ROGDI: variants seen among roughly 807,000 people sequenced by gnomAD.
ROGDI encodes rogdi atypical leucine zipper.
A neutral mutation model predicts 43.1 loss-of-function variants in ROGDI; 46 were observed. The observed-to-expected ratio is 1.07, with a 90% CI of 0.84 to 1.37. The LOEUF is 1.37. Ranked by LOEUF, ROGDI falls within the 40% of genes most tolerant of loss-of-function variation. ROGDI has a pLI of 0.00. For synonymous variants in ROGDI, 243 were observed against 162.0 expected (o/e 1.50, Z -3.80); for missense variants, 518 against 383.9 (o/e 1.35, Z -2.92).
intron 2 of ROGDI, chr16:4,801,998 G>A (rs965173922): frequency 2.4e-5 from 14 of 578,774 alleles, no homozygotes; most frequent in Non-Finnish European, 3.9e-5. Flanking sequence ...GCCTCGCGAA[G>A]CGGGTACTGT....
chr16:4,800,833 A>C, intron 4 of ROGDI: 1 of 557,212 alleles, frequency 1.8e-6, no homozygotes, highest in East Asian at 3.1e-5. Context: ...GGGAAGAGGA[A>C]AGGCAGCCTC....
In ROGDI at chr16:4,802,440, C is replaced by G. The variant is rs1226598028; in HGVS notation, c.59G>C (p.Arg20Pro). The G allele has an allele frequency of 2.1e-6, 3 of 1,447,464 alleles. No individual in the cohort carries two copies. The highest frequency in any genetic ancestry group is 2.7e-6 in the Non-Finnish European group (3 of 1,104,256). The allele number at this position is 1,447,464 out of a possible 1,614,324, so 89.7% of individuals were successfully genotyped here. A position where few individuals can be genotyped will look rare whatever the true frequency, so the allele number is the denominator to read the frequency against. Residue 20 changes from arginine (R) to proline (P), a missense_variant, in exon 2 of 11, where the codon CGC becomes CCC. By Grantham distance (103) the Arg-to-Pro change is moderately radical (BLOSUM62 -2). Coordinates refer to ENST00000322048, the MANE Select transcript of ROGDI (RefSeq NM_024589.3). ...GTGCACCTCGTCGTGCAGCAGCCAGCGGAACTCCTCCTCCTGCGGGACAGA... is the reference window on the plus strand; with the variant it reads ...GTGCACCTCGTCGTGCAGCAGCCAGGGGAACTCCTCCTCCTGCGGGACAGA... Reference protein sequence around the residue: ...AERAVLEEEFRWLLHDEVHAV... With the variant: ...AERAVLEEEFPWLLHDEVHAV...
At chr16:4,797,547 A>AGCCCAGGGGAGATGTCAAGGTC (rs746754825) in intron 10 of ROGDI, 46 bp from the exon 11 acceptor site, 18 of 1,201,492 alleles carry the variant, frequency 1.5e-5, no homozygotes, top group Non-Finnish European at 1.4e-5. Context: ...GGGATGGGGT[A>AGCCCAGGGGAGATGTCAAGGTC]GCCCAGGGGA....
chr16:4,801,079 C>T lies in ROGDI; in HGVS notation c.255+188G>A, dbSNP rs2082709608. 7.2e-6 allele frequency: 4 copies of T among 556,914 alleles called. No individual in the cohort carries two copies. In the Admixed American group the frequency reaches 1.0e-4, roughly 14 times the overall value. 34.5% of individuals were successfully genotyped at this position (556,914 alleles called of 1,614,324 possible). A position where few individuals can be genotyped will look rare whatever the true frequency, so the allele number is the denominator to read the frequency against. On this transcript the variant is annotated intron_variant, in intron 4 of 10. Coordinates refer to ENST00000322048, the MANE Select transcript of ROGDI (RefSeq NM_024589.3). ...TGCAAAGAACCCCTCTCCTGCACCT[C>T]TTACTGAATCTGCACACCGATCCCG...
At chr16:4,802,141 C>T (rs1270271581) in intron 2 of ROGDI, 1 of 654,794 alleles carries the variant, frequency 1.5e-6, no homozygotes, top group Non-Finnish European at 2.8e-6. Flanking sequence ...CGGCCTTCCC[C>T]GACCCGAGGC....
intron 2 of ROGDI, 72 bp from the exon 3 acceptor site, chr16:4,801,657 C>T (rs1380553864): frequency 1.5e-6 from 2 of 1,369,164 alleles, no homozygotes; most frequent in South Asian, 1.2e-5. Flanking sequence ...TTCCAGAAGC[C>T]CCCCTCCCTC....
intron 2 of ROGDI, 81 bp from the exon 3 acceptor site, chr16:4,801,666 T>G (rs2141913164): frequency 7.6e-7 from 1 of 1,317,950 alleles, no homozygotes; most frequent in African/African-American, 1.5e-5. Context: ...CCCCCCTCCC[T>G]CCAAGTCAGC....
chr16:4,798,244 G>A (rs1407023907), intron 7 of ROGDI, 60 bp from the exon 8 acceptor site: 1 of 1,382,164 alleles, frequency 7.2e-7, no homozygotes, highest in African/African-American at 1.4e-5. Flanking sequence ...GGATGGAGCG[G>A]GGCTCTGCAG....
Position 4,797,113 on chromosome 16 carries a change from C to A in ROGDI, c.*347G>T, listed in dbSNP as rs117730440. On this transcript the variant is annotated 3_prime_UTR_variant, in exon 11 of 11. Transcript: ENST00000322048. The stretch of plus-strand genomic sequence containing the variant: ...CTCATAGCTCAGTGCCACCCCCCGA[C>A]ACCATGCCCTCCAGGGGGAGGGGAC... The A allele has an allele frequency of 6.4e-4, 187 of 291,328 alleles. 3 individuals are homozygous for A. In the East Asian group the frequency reaches 0.011, roughly 17 times the overall value. 18.0% of individuals were successfully genotyped at this position (291,328 alleles called of 1,614,324 possible).
chr16:4,799,049 G>C (rs7188173), intron 6 of ROGDI, among the ~76,000 whole-genome samples: 10,338 of 152,096 alleles, frequency 0.068, 1,186 homozygotes, highest in African/African-American at 0.24. Context: ...CTGGGTTGAG[G>C]TTTTCAGGGG....
intron 10 of ROGDI, 45 bp downstream of exon 10, chr16:4,797,669 C>T (rs758120835): frequency 2.5e-6 from 4 of 1,613,108 alleles, no homozygotes; most frequent in East Asian, 2.2e-5. Flanking sequence ...TGGCAAGGAC[C>T]CTTAGAAGTC....
intron 6 of ROGDI, 132 bp from the exon 7 acceptor site, chr16:4,798,799 G>C: frequency 1.4e-6 from 1 of 740,108 alleles, no homozygotes; most frequent in Non-Finnish European, 2.3e-6. Context: ...CGGCAGCAGG[G>C]ACCTGTTAAA....
At position 4,797,554 on chromosome 16, in the gene ROGDI, G is replaced by A. The variant is rs1405712875; in HGVS notation, c.823-53C>T. On this transcript the variant is annotated intron_variant, in intron 10 of 10. Transcript: ENST00000322048. ...GCTGAAGGGGGATGGGGTAGCCCAG[G>A]GGAGATGTCAAGGTCACCCAAGGAC... 38 of 1,182,266 alleles carry A rather than the reference G, an allele frequency of 3.2e-5. No homozygotes were observed. The African/African-American group carries it at 3.5e-4, about 11-fold the overall frequency. 73.2% of individuals were successfully genotyped at this position (1,182,266 alleles called of 1,614,324 possible). A position where few individuals can be genotyped will look rare whatever the true frequency, so the allele number is the denominator to read the frequency against.
Position 4,797,418 on chromosome 16 carries a change from G to T in ROGDI, c.*42C>A, listed in dbSNP as rs376812863. 4 of 1,592,466 alleles carry T rather than the reference G, an allele frequency of 2.5e-6. No homozygotes were observed. The highest frequency in any genetic ancestry group is 3.4e-6 in the Non-Finnish European group (4 of 1,166,518). ...TGCTCTGTGGTGGGTATGAGTAGGG[G>T]ACGGGGCCGCCTTCCTGGAGACAAG... On this transcript the variant is annotated 3_prime_UTR_variant, in exon 11 of 11. Transcript: ENST00000322048.
Position 4,797,122 on chromosome 16 carries a change from C to T in ROGDI, c.*338G>A. The T allele has an allele frequency of 3.3e-6, 1 of 301,852 alleles. No individual in the cohort carries two copies. Among genetic ancestry groups the T allele is most frequent in the Non-Finnish European group, 6.3e-6 (1 of 158,606 alleles). 18.7% of individuals were successfully genotyped at this position (301,852 alleles called of 1,614,324 possible). A position where few individuals can be genotyped will look rare whatever the true frequency, so the allele number is the denominator to read the frequency against. On this transcript the variant is annotated 3_prime_UTR_variant, in exon 11 of 11. Coordinates refer to ENST00000322048, the MANE Select transcript of ROGDI (RefSeq NM_024589.3). The stretch of plus-strand genomic sequence containing the variant: ...CAGTGCCACCCCCCGACACCATGCC[C>T]TCCAGGGGGAGGGGACAGCGAAGGG...
At chr16:4,800,762 G>A (rs918696536) in intron 4 of ROGDI, 184 bp from the exon 5 acceptor site, 1 of 592,790 alleles carries the variant, frequency 1.7e-6, no homozygotes, top group African/African-American at 1.9e-5. Flanking sequence ...CAGGAAACAG[G>A]AAACCAGGCC....
chr16:4,800,718 A>G (rs1005712514), intron 4 of ROGDI, 140 bp from the exon 5 acceptor site: 7 of 659,710 alleles, frequency 1.1e-5, no homozygotes, highest in Admixed American at 2.6e-5. Flanking sequence ...GGGTCTCCCA[A>G]TGCCTTGGCC....
In ROGDI at chr16:4,797,941, A is replaced by G. The variant is rs1437175362; in HGVS notation, c.692T>C (p.Met231Thr). The G allele has an allele frequency of 6.2e-7, 1 of 1,600,308 alleles. No individual in the cohort carries two copies. Among genetic ancestry groups the G allele is most frequent in the Non-Finnish European group, 8.5e-7 (1 of 1,170,992 alleles). The change falls in exon 9 of 11, where the codon ATG (methionine) becomes ACG (threonine). Residue 231 changes from methionine to threonine, a missense_variant. By Grantham distance (81) the Met-to-Thr change is moderately conservative (BLOSUM62 -1). Coordinates refer to ENST00000322048, the MANE Select transcript of ROGDI (RefSeq NM_024589.3). The part of the protein sequence containing the change: ...GGAVLHSPGA[M>T]FEWGSQRLEV... ...CCCCCCGCCCCTGCCTACTTACAAC[A>G]TGGCCCCAGGGCTATGCAGCACCGC...
chr16:4,798,532 C>A (rs1294537925), intron 7 of ROGDI, 37 bp downstream of exon 7: 2 of 1,479,432 alleles, frequency 1.4e-6, no homozygotes, highest in Non-Finnish European at 1.8e-6. Flanking sequence ...CACTGTGGGA[C>A]CCCTCTCCTG....
Sources: allele counts gnomAD v4.1 joint callset (sites outside exome capture counted in the v4.1 genomes callset), GRCh38; gene constraint gnomAD v4.1.1; transcripts MANE v1.5; gene names NCBI Gene and HGNC (gene_info 2026-07-23, HGNC 2026-07-21).